Variants in TMC1 observed in about 807,000 individuals in gnomAD.
The protein encoded by TMC1 is transmembrane channel like 1, also known as transmembrane channel-like protein 1.
Under a neutral mutation model 105.8 loss-of-function variants are expected in TMC1, and 84 were observed. The observed-to-expected ratio is 0.79, with a 90% CI of 0.67 to 0.95. The LOEUF (loss-of-function observed/expected upper bound fraction) is 0.95, where lower values mean the gene tolerates loss of function less well. TMC1 is among the 40% of genes least tolerant of loss of function. The pLI is 0.00. For synonymous variants in TMC1, 315 were observed against 311.5 expected, an observed-to-expected ratio of 1.01 and a Z score of -0.12; for missense variants, 817 against 914.1, an observed-to-expected ratio of 0.89 and a Z score of 1.37.
At chr9:72,669,091 A>C (rs1251338062) in intron 5 of TMC1, among the ~76,000 whole-genome samples, 1 of 152,180 alleles carries the variant, frequency 6.6e-6, no homozygotes, top group African/African-American at 2.4e-5. Context: ...AGATCACCTG[A>C]GGTCAGGAGT....
At chr9:72,797,932 A>G (rs1018957740) in intron 17 of TMC1, among the ~76,000 whole-genome samples, 1 of 152,166 alleles carries the variant, frequency 6.6e-6, no homozygotes, top group African/African-American at 2.4e-5. Flanking sequence ...TGAACAGACA[A>G]CCTACAGAAT....
At chr9:72,659,104 C>T (rs1454183779) in intron 5 of TMC1, among the ~76,000 whole-genome samples, 1 of 152,178 alleles carries the variant, frequency 6.6e-6, no homozygotes, top group African/African-American at 2.4e-5. Flanking sequence ...ATATTCACTT[C>T]CGCACTTAGG....
chr9:72,819,586 A>G (rs2118294429), intron 19 of TMC1, among the ~76,000 whole-genome samples: 1 of 152,352 alleles, frequency 6.6e-6, no homozygotes, highest in East Asian at 1.9e-4. Flanking sequence ...ATTGTCCGAA[A>G]TCTTGTCAAC....
At chr9:72,725,327 A>ATATG (rs1554723234) in intron 8 of TMC1, among the ~76,000 whole-genome samples, 128 of 83,130 alleles carry the variant, frequency 1.5e-3, no homozygotes, top group Non-Finnish European at 3.1e-3. Context: ...GTGTGTATGT[A>ATATG]TATATATATA....
chr9:72,811,465 C>CAATTTAATTTAAT (rs1407417327), intron 18 of TMC1, among the ~76,000 whole-genome samples: 3 of 152,166 alleles, frequency 2.0e-5, no homozygotes. Flanking sequence ...AGGATTTTAA[C>CAATTTAATTTAAT]TGCTCTAATT....
rs545141361 is a variant in TMC1 at position 72,765,337 on chromosome 9, G to A, written c.742-7076G>A. ...GGCATATTGCATCAAGTGAAGCTCC[G>A]TGCCTCTGAAGGAAATGCTGAGAGA... On this transcript the variant is annotated intron_variant, in intron 12 of 23. Coordinates refer to ENST00000297784, the MANE Select transcript of TMC1 (RefSeq NM_138691.3). 5.3e-5 allele frequency among the ~76,000 whole-genome samples: 8 copies of A among 152,112 alleles called. No homozygotes were observed. In the South Asian group the frequency reaches 1.5e-3, roughly 28 times the overall value.
At chr9:72,799,346 T>A (rs185582555) in intron 17 of TMC1, among the ~76,000 whole-genome samples, 1 of 152,200 alleles carries the variant, frequency 6.6e-6, no homozygotes, top group African/African-American at 2.4e-5. Flanking sequence ...ACATAAAAAT[T>A]GAAGGACTAG....
intron 1 of TMC1, among the ~76,000 whole-genome samples, chr9:72,534,181 C>T (rs1388340342): frequency 2.0e-5 from 3 of 152,052 alleles, no homozygotes; most frequent in African/African-American, 7.2e-5. Context: ...TAAATAAAGA[C>T]AATTTTAAAA....
chr9:72,703,656 T>A (rs1826681896), intron 8 of TMC1, among the ~76,000 whole-genome samples: 1 of 151,514 alleles, frequency 6.6e-6, no homozygotes, highest in Admixed American at 6.6e-5. Context: ...CTCCTACCAG[T>A]GCAGCTGGGG....
At chr9:72,619,634 A>C (rs1176083483) in intron 3 of TMC1, among the ~76,000 whole-genome samples, 1 of 151,854 alleles carries the variant, frequency 6.6e-6, no homozygotes, top group Non-Finnish European at 1.5e-5. Context: ...TTTTAATACA[A>C]AATATGTTAT....
chr9:72,677,369 C>T (rs1226331298), intron 5 of TMC1, among the ~76,000 whole-genome samples: 1 of 152,100 alleles, frequency 6.6e-6, no homozygotes, highest in Non-Finnish European at 1.5e-5. Flanking sequence ...TTAGATGAGG[C>T]TCACCCACAT....
At chr9:72,818,294 C>T (rs775405852) in intron 19 of TMC1, among the ~76,000 whole-genome samples, 6 of 152,126 alleles carry the variant, frequency 3.9e-5, no homozygotes, top group Non-Finnish European at 8.8e-5. Context: ...AGGTTATTTA[C>T]GCAGATGTTG....
intron 1 of TMC1, among the ~76,000 whole-genome samples, chr9:72,570,265 G>GTGTGT (rs397946870): frequency 2.7e-5 from 4 of 146,522 alleles, no homozygotes; most frequent in Non-Finnish European, 6.0e-5. Context: ...GTGTGTGTGT[G>GTGTGT]GTAAATACTT....
At chr9:72,738,984 AT>A (rs1040243384) in intron 8 of TMC1, among the ~76,000 whole-genome samples, 4 of 151,498 alleles carry the variant, frequency 2.6e-5, no homozygotes, top group East Asian at 1.9e-4. Context: ...TTTTTTGTAA[AT>A]TTTTTTTTGG....
chr9:72,758,626 T>G (rs1827708006), intron 12 of TMC1, among the ~76,000 whole-genome samples: 1 of 152,020 alleles, frequency 6.6e-6, no homozygotes, highest in African/African-American at 2.4e-5. Context: ...GGCTGTCCCT[T>G]TAAGAACTCC....
chr9:72,825,899 T>C (rs946561131), intron 20 of TMC1, among the ~76,000 whole-genome samples: 2 of 152,176 alleles, frequency 1.3e-5, no homozygotes, highest in South Asian at 2.1e-4. Flanking sequence ...TGACAAAATA[T>C]ATGGAGTCAC....
chr9:72,769,673 C>G (rs1470381225), intron 12 of TMC1, among the ~76,000 whole-genome samples: 1 of 152,108 alleles, frequency 6.6e-6, no homozygotes, highest in Admixed American at 6.6e-5. Flanking sequence ...ATAGTGTTCT[C>G]CTGAGGATTC....
chr9:72,784,193 T>C (rs2118164014), intron 13 of TMC1, among the ~76,000 whole-genome samples: 1 of 152,130 alleles, frequency 6.6e-6, no homozygotes, highest in East Asian at 1.9e-4. Flanking sequence ...ATATCCAGAA[T>C]CTATAAGGAA....
At chr9:72,740,326 A>G in intron 9 of TMC1, 117 bp downstream of exon 9, 1 of 799,378 alleles carries the variant, frequency 1.3e-6, no homozygotes, top group Non-Finnish European at 2.1e-6. Context: ...ACAAATACTC[A>G]TACAGTATAT....
Sources: allele counts gnomAD v4.1 joint callset (sites outside exome capture counted in the v4.1 genomes callset), GRCh38; gene constraint gnomAD v4.1.1; transcripts MANE v1.5; gene names NCBI Gene and HGNC (gene_info 2026-07-23, HGNC 2026-07-21).